BOK: variants seen among roughly 807,000 people sequenced by gnomAD.
BOK encodes the protein BCL2 family apoptosis regulator BOK.
Under a neutral mutation model 18.3 loss-of-function variants are expected in BOK, and 20 were observed. The observed-to-expected ratio is 1.09, with a 90% CI of 0.77 to 1.59. The LOEUF is 1.59. BOK is among the 40% of genes most tolerant of loss of function. BOK has a pLI of 0.00. For missense variants in BOK, 348 were observed against 307.9 expected (o/e 1.13, Z -0.97); for synonymous variants, 173 against 142.4 (o/e 1.21, Z -1.53).
intron 1 of BOK, among the ~76,000 whole-genome samples, chr2:241,559,238 G>T (rs1455315028): frequency 6.6e-6 from 1 of 151,702 alleles, no homozygotes; most frequent in Non-Finnish European, 1.5e-5. Flanking sequence ...TCTCCCCGCG[G>T]CCCCACCGGT....
upstream of BOK, among the ~76,000 whole-genome samples, chr2:241,558,022 TAAAG>T (rs1416286784): frequency 2.0e-5 from 2 of 102,478 alleles, no homozygotes; most frequent in Non-Finnish European, 4.0e-5. Flanking sequence ...GATTCAAGGA[TAAAG>T]AAATAAACCA....
At position 241,566,575 on chromosome 2, in the gene BOK, A is replaced by G. The variant is rs554400934; in HGVS notation, c.350-3550A>G. Among the ~76,000 whole-genome samples, 4 of 152,194 alleles carry G rather than the reference A, an allele frequency of 2.6e-5. No individual in the cohort carries two copies. In the East Asian group the frequency reaches 7.7e-4, roughly 29 times the overall value. ...GGTGATCCACCCACTTCGGCCTCCC[A>G]CAGTGCTGGGAAAAAACACAAATCA... On this transcript the variant is annotated intron_variant, in intron 3 of 4. Transcript: ENST00000318407.
In BOK at chr2:241,572,315, G is replaced by C; in HGVS notation, c.532G>C (p.Val178Leu). The change falls in exon 5 of 5, where the codon GTG (valine) becomes CTG (leucine). Residue 178 changes from valine (V) to leucine (L), a missense_variant. Val to Leu is a conservative substitution (Grantham distance 32). Coordinates refer to ENST00000318407, the MANE Select transcript of BOK (RefSeq NM_032515.5). Reference protein sequence around the residue: ...RGGWTDVLKCVVSTDPGLRSH... With the variant: ...RGGWTDVLKCLVSTDPGLRSH... ...CTCCCAGACTGATGTCCTCAAGTGT[G>C]TGGTCAGCACAGACCCTGGCCTCCG... 1 of 1,611,564 alleles carries C rather than the reference G, an allele frequency of 6.2e-7. No individual in the cohort carries two copies. Among genetic ancestry groups the C allele is most frequent in the Non-Finnish European group, 8.5e-7 (1 of 1,179,860 alleles).
intron 1 of BOK, among the ~76,000 whole-genome samples, chr2:241,553,494 C>G (rs1248517866): frequency 6.6e-6 from 1 of 152,108 alleles, no homozygotes; most frequent in Admixed American, 6.5e-5. Flanking sequence ...AATTGGCTCA[C>G]GGTTCCACAG....
At chr2:241,571,894 C>T (rs975672003) in intron 4 of BOK, among the ~76,000 whole-genome samples, 3 of 152,228 alleles carry the variant, frequency 2.0e-5, no homozygotes, top group Non-Finnish European at 4.4e-5. Flanking sequence ...GGCTCCAAGG[C>T]CCCACAGGAG....
At chr2:241,554,717 A>G (rs1463827876), upstream of BOK, among the ~76,000 whole-genome samples, 1 of 152,220 alleles carries the variant, frequency 6.6e-6, no homozygotes, top group Non-Finnish European at 1.5e-5. Flanking sequence ...TTACACCAGG[A>G]CAGTCTGTCT....
chr2:241,552,541 G>A (rs539693419), intron 1 of BOK, among the ~76,000 whole-genome samples: 1 of 152,174 alleles, frequency 6.6e-6, no homozygotes, highest in Non-Finnish European at 1.5e-5. Flanking sequence ...GAGTGGTAGG[G>A]CCAGGCAGGA....
rs899240478 is a variant in BOK at position 241,567,135 on chromosome 2, T to C, written c.350-2990T>C. Among the ~76,000 whole-genome samples, 7 of 130,814 alleles carry C rather than the reference T, an allele frequency of 5.4e-5. 1 individual carries two copies. The highest frequency in any genetic ancestry group is 1.1e-4 in the Non-Finnish European group (7 of 61,856). The allele number at this position is 130,814 out of a possible 152,430, so 85.8% of individuals were successfully genotyped here. A position where few individuals can be genotyped will look rare whatever the true frequency, so the allele number is the denominator to read the frequency against. ...GGAAATGTTGCCATCACTCGGAACA[T>C]AGTATGTTCTTTTTTTTTTTTTTAA... On this transcript the variant is annotated intron_variant, in intron 3 of 4. Coordinates refer to ENST00000318407, the MANE Select transcript of BOK (RefSeq NM_032515.5).
At chr2:241,565,561 A>C (rs567048849) in intron 3 of BOK, among the ~76,000 whole-genome samples, 1 of 103,150 alleles carries the variant, frequency 9.7e-6, no homozygotes, top group African/African-American at 4.1e-5. Context: ...CCATCCCTGC[A>C]CGCTCTGACC....
intron 2 of BOK, among the ~76,000 whole-genome samples, chr2:241,560,898 C>T (rs1559200346): frequency 6.6e-6 from 1 of 152,234 alleles, no homozygotes; most frequent in Non-Finnish European, 1.5e-5. Flanking sequence ...CATCTGCCCT[C>T]ACGGCTGCTC....
chr2:241,553,665 A>G (rs538512941), intron 1 of BOK, among the ~76,000 whole-genome samples: 7 of 152,274 alleles, frequency 4.6e-5, no homozygotes, highest in Non-Finnish European at 7.4e-5. Flanking sequence ...CTCACTCACT[A>G]TCACGAGCAC....
Position 241,562,519 on chromosome 2 carries a change from C to G in BOK, c.349+43C>G. 6.4e-7 allele frequency: 1 copy of G among 1,571,496 alleles called. No individual in the cohort carries two copies. The highest frequency in any genetic ancestry group is 8.6e-7 in the Non-Finnish European group (1 of 1,161,100). ...GTCCCATGGGACCTCAGGGAGGGAT[C>G]CAGGGTCTGTGGCTCAGGCTCACAG... On this transcript the variant is annotated intron_variant, in intron 3 of 4. Transcript: ENST00000318407. The surrounding 1 kb of genome is among the most constrained non-coding windows in gnomAD (Gnocchi z 4.5).
At chr2:241,564,302 G>A (rs188216053) in intron 3 of BOK, among the ~76,000 whole-genome samples, 1 of 152,330 alleles carries the variant, frequency 6.6e-6, no homozygotes, top group Non-Finnish European at 1.5e-5. Context: ...GGGTCAGGAG[G>A]CGGAACCAAG....
intron 1 of BOK, among the ~76,000 whole-genome samples, chr2:241,553,015 G>A (rs62191730): frequency 0.14 from 21,771 of 152,230 alleles, 1,944 homozygotes; most frequent in African/African-American, 0.24. Flanking sequence ...TGGGTGGAGA[G>A]GCCAGTCCAG....
At position 241,562,235 on chromosome 2, in the gene BOK, C is replaced by T; in HGVS notation, c.221-113C>T. 7.4e-7 allele frequency: 1 copy of T among 1,356,362 alleles called. No individual in the cohort carries two copies. Among genetic ancestry groups the T allele is most frequent in the Non-Finnish European group, 9.9e-7 (1 of 1,009,036 alleles). 84.0% of individuals were successfully genotyped at this position (1,356,362 alleles called of 1,614,324 possible). A position where few individuals can be genotyped will look rare whatever the true frequency, so the allele number is the denominator to read the frequency against. Reference sequence around the variant, plus strand: ...GGGAATCAGACAAGTGAGGAACAGGCTGGAATTCAAGCATGGTCAGGTGGG... The same window carrying T: ...GGGAATCAGACAAGTGAGGAACAGGTTGGAATTCAAGCATGGTCAGGTGGG... On this transcript the variant is annotated intron_variant, in intron 2 of 4. Transcript: ENST00000318407. This position sits in a 1 kb window ranked among gnomAD's most constrained non-coding sequence, Gnocchi z 4.5.
chr2:241,562,316 G>T lies in BOK; in HGVS notation c.221-32G>T, dbSNP rs1443981676. ...CGTGTCCCAGGAAGCTGGGACGTGG[G>T]CTGCCTCTCACCTGCTCTTGTGACC... On this transcript the variant is annotated intron_variant, in intron 2 of 4. Transcript: ENST00000318407. This position sits in a 1 kb window ranked among gnomAD's most constrained non-coding sequence, Gnocchi z 4.5. 1.3e-6 allele frequency: 2 copies of T among 1,561,516 alleles called. No homozygotes were observed. Among genetic ancestry groups the T allele is most frequent in the Non-Finnish European group, 1.7e-6 (2 of 1,153,222 alleles).
At position 241,570,514 on chromosome 2, in the gene BOK, A is replaced by G. The variant is rs77611042; in HGVS notation, c.513+226A>G. Among the ~76,000 whole-genome samples the G allele has an allele frequency of 8.2e-4, 42 of 51,252 alleles. No homozygotes were observed. Among genetic ancestry groups the G allele is most frequent in the African/African-American group, 4.2e-3 (37 of 8,772 alleles). The allele number at this position is 51,252 out of a possible 152,430, so 33.6% of individuals were successfully genotyped here. A position where few individuals can be genotyped will look rare whatever the true frequency, so the allele number is the denominator to read the frequency against. On this transcript the variant is annotated intron_variant, in intron 4 of 4. Transcript: ENST00000318407. ...GCAGAGGTACGGGAGGGAGTGGCGGATGGGTGAGCCTCTGAGCGCCTGGGG... is the reference window on the plus strand; with the variant it reads ...GCAGAGGTACGGGAGGGAGTGGCGGGTGGGTGAGCCTCTGAGCGCCTGGGG...
In BOK at chr2:241,559,390, G is replaced by GGCGCCCCGC. The variant is rs1488143450; in HGVS notation, c.-29-56_-29-48dup. ...CCTTCCCGAGGGCCACGCCCAGCCC[G>GGCGCCCCGC]GCGCCCCGCGCGCCCCGTTCCCCGC... On this transcript the variant is annotated intron_variant, in intron 1 of 4. Coordinates refer to ENST00000318407, the MANE Select transcript of BOK (RefSeq NM_032515.5). 3.7e-6 allele frequency: 4 copies of GGCGCCCCGC among 1,081,360 alleles called. No homozygotes were observed. In the African/African-American group the frequency reaches 5.0e-5, roughly 13 times the overall value. 67.0% of individuals were successfully genotyped at this position (1,081,360 alleles called of 1,614,324 possible).
At chr2:241,572,243 G>A in intron 4 of BOK, 54 bp from the exon 5 acceptor site, 1 of 1,592,172 alleles carries the variant, frequency 6.3e-7, no homozygotes, top group Non-Finnish European at 8.6e-7. Flanking sequence ...TGGCGGTGCT[G>A]GGGGCCTGGC....
Sources: gnomAD v4.1 joint callset for allele counts (sites outside exome capture counted in the v4.1 genomes callset) on GRCh38, gnomAD v4.1.1 for gene constraint, Gnocchi (gnomAD v3.1) non-coding constraint, MANE v1.5 for transcripts, NCBI Gene and HGNC (gene_info 2026-07-23, HGNC 2026-07-21) for gene names.